The following UBE2R2 variants were observed in gnomAD, a reference collection of about 807,000 sequenced individuals.
UBE2R2 encodes ubiquitin conjugating enzyme E2 R2, also known as ubiquitin-conjugating enzyme E2 R2.
In UBE2R2, 1 loss-of-function variant was observed where a neutral mutation model predicts 27.8. The ratio of observed to expected loss-of-function variants is 0.04; its 90% CI spans 0.01 to 0.17. The LOEUF (loss-of-function observed/expected upper bound fraction) is 0.17, where lower values mean the gene tolerates loss of function less well. UBE2R2 is among the 10% of genes least tolerant of loss of function. The probability of loss-of-function intolerance (pLI) is 1.00; values close to 1 mark genes in which losing one functional copy is unlikely to be tolerated. For missense variants in UBE2R2, 100 were observed against 291.0 expected (o/e 0.34, Z 4.78); for synonymous variants, 106 against 113.3 (o/e 0.94, Z 0.41).
chr9:33,823,468 C>T (rs192145345), intron 1 of UBE2R2, among the ~76,000 whole-genome samples: 3 of 151,752 alleles, frequency 2.0e-5, no homozygotes, highest in South Asian at 2.1e-4. Context: ...CTCTGCCTCC[C>T]GGGTTCAAGC....
chr9:33,855,664 T>C (rs543517877), intron 1 of UBE2R2, among the ~76,000 whole-genome samples: 3 of 152,330 alleles, frequency 2.0e-5, no homozygotes, highest in Non-Finnish European at 4.4e-5. Context: ...TTGAAACTCC[T>C]AGACAGTAGT....
intron 3 of UBE2R2, among the ~76,000 whole-genome samples, chr9:33,900,778 A>G (rs900756225): frequency 9.2e-5 from 14 of 152,222 alleles, no homozygotes; most frequent in African/African-American, 3.4e-4. Flanking sequence ...TAAGTTGCCC[A>G]GCTGGTCTCA....
At position 33,862,149 on chromosome 9, in the gene UBE2R2, G is replaced by A. The variant is rs370535692; in HGVS notation, c.178-24732G>A. Among the ~76,000 whole-genome samples the A allele has an allele frequency of 5.3e-5, 8 of 152,034 alleles. 1 individual carries two copies. The highest frequency in any genetic ancestry group is 2.6e-4 in the Admixed American group (4 of 15,262). On this transcript the variant is annotated intron_variant, in intron 1 of 4. Coordinates refer to ENST00000263228, the MANE Select transcript of UBE2R2 (RefSeq NM_017811.4). ...ATTACAGGCATGAGCCACCGTGCCC[G>A]GCCTGTTGATCCACTTTCATAGTTG...
chr9:33,841,002 G>T (rs185400412), intron 1 of UBE2R2, among the ~76,000 whole-genome samples: 3 of 152,040 alleles, frequency 2.0e-5, no homozygotes, highest in Non-Finnish European at 4.4e-5. Flanking sequence ...GCAACTCACT[G>T]CAACCTCTGC....
intron 1 of UBE2R2, among the ~76,000 whole-genome samples, chr9:33,821,332 A>G (rs1825978001): frequency 6.6e-6 from 1 of 151,618 alleles, no homozygotes; most frequent in African/African-American, 2.4e-5. Context: ...TTTCTTCAGT[A>G]TTGTTAAGTG....
intron 1 of UBE2R2, among the ~76,000 whole-genome samples, chr9:33,860,100 C>T (rs894367831): frequency 1.2e-4 from 11 of 88,708 alleles, no homozygotes; most frequent in African/African-American, 3.9e-4. Context: ...AGCCACCTTG[C>T]CTGCCCTTTT....
Position 33,817,762 on chromosome 9 carries a change from C to A in UBE2R2, c.5C>A (p.Ala2Asp). The A allele has an allele frequency of 6.4e-7, 1 of 1,570,794 alleles. No homozygotes were observed. Among genetic ancestry groups the A allele is most frequent in the East Asian group, 2.4e-5 (1 of 40,856 alleles). M[A>D]QQQMTSSQKA... is the part of the protein sequence containing the mutation. ...GCCGCCGCCGCCGCCGCCGCGATGG[C>A]CCAGCAGCAGATGACCAGCTCGCAG... Residue 2 changes from alanine to aspartate, a missense_variant, in exon 1 of 5, where the codon GCC becomes GAC. Transcript: ENST00000263228.
intron 3 of UBE2R2, among the ~76,000 whole-genome samples, chr9:33,909,641 G>A (rs1041765032): frequency 1.2e-4 from 19 of 152,130 alleles, no homozygotes; most frequent in African/African-American, 3.6e-4. Context: ...GGATGGTCTC[G>A]ATCTCCTTAC....
At chr9:33,821,962 G>A (rs910986832) in intron 1 of UBE2R2, among the ~76,000 whole-genome samples, 2 of 151,308 alleles carry the variant, frequency 1.3e-5, no homozygotes, top group Admixed American at 6.6e-5. Flanking sequence ...ATTTGATTGA[G>A]GTAATGAAAT....
At chr9:33,850,782 C>T (rs1258479886) in intron 1 of UBE2R2, among the ~76,000 whole-genome samples, 1 of 152,120 alleles carries the variant, frequency 6.6e-6, no homozygotes, top group African/African-American at 2.4e-5. Flanking sequence ...ACAATCAGTT[C>T]CCTACTCTTC....
intron 1 of UBE2R2, among the ~76,000 whole-genome samples, chr9:33,837,782 G>A (rs764312901): frequency 3.3e-5 from 5 of 152,012 alleles, no homozygotes; most frequent in Non-Finnish European, 7.4e-5. Flanking sequence ...TCAAACTCTG[G>A]GCTCAAGCAT....
chr9:33,855,191 CA>C (rs1724947338), intron 1 of UBE2R2, among the ~76,000 whole-genome samples: 1 of 152,184 alleles, frequency 6.6e-6, no homozygotes, highest in African/African-American at 2.4e-5. Flanking sequence ...TACTGCCCCT[CA>C]TGGCATTTTT....
Position 33,918,471 on chromosome 9 carries a change from G to A in UBE2R2, c.*1234G>A, listed in dbSNP as rs1822711872. The A allele has an allele frequency of 6.6e-6, 1 of 151,932 alleles. No homozygotes were observed. Among genetic ancestry groups the A allele is most frequent in the Admixed American group, 6.6e-5 (1 of 15,234 alleles). The allele number at this position is 151,932 out of a possible 1,614,324, so 9.4% of individuals were successfully genotyped here. ...TAGAAATTGTGGCAGGGCTGAGGGAGTTGACTGCAGGCAGTTTTTAGGCCA... is the reference window on the plus strand; with the variant it reads ...TAGAAATTGTGGCAGGGCTGAGGGAATTGACTGCAGGCAGTTTTTAGGCCA... On this transcript the variant is annotated 3_prime_UTR_variant, in exon 5 of 5. Transcript: ENST00000263228.
At chr9:33,841,176 G>A (rs560268639) in intron 1 of UBE2R2, among the ~76,000 whole-genome samples, 33 of 151,824 alleles carry the variant, frequency 2.2e-4, no homozygotes, top group Admixed American at 4.6e-4. Context: ...TCTGCCTCCC[G>A]GGTTCAAGCT....
In UBE2R2 at chr9:33,817,865, C is replaced by G. The variant is rs759859611; in HGVS notation, c.108C>G (p.Ser36=). The G allele has an allele frequency of 6.2e-7, 1 of 1,611,544 alleles. No homozygotes were observed. Among genetic ancestry groups the G allele is most frequent in the East Asian group, 2.3e-5 (1 of 44,408 alleles). The change falls in exon 1 of 5, where the codon TCC becomes TCG. Residue 36 remains serine, a synonymous_variant. Transcript: ENST00000263228. ...TCCGGATCACCCTGGTGGACGAGTC[C>G]GACCTCTACAACTGGGAGGTGGCCA... ...EGFRITLVDE[S]DLYNWEVAIF...
At chr9:33,843,101 G>A (rs1287276763) in intron 1 of UBE2R2, among the ~76,000 whole-genome samples, 1 of 145,240 alleles carries the variant, frequency 6.9e-6, no homozygotes, top group Non-Finnish European at 1.5e-5. Context: ...AGGCTGGAGT[G>A]CAGTGGCACG....
intron 1 of UBE2R2, among the ~76,000 whole-genome samples, chr9:33,843,725 T>A (rs1190901297): frequency 1.3e-5 from 2 of 152,222 alleles, no homozygotes. Context: ...ATGATCTGCC[T>A]TGGCCTCTCA....
chr9:33,895,770 T>C (rs558226114), intron 2 of UBE2R2, among the ~76,000 whole-genome samples: 20 of 124,220 alleles, frequency 1.6e-4, no homozygotes, highest in Non-Finnish European at 3.3e-4. Context: ...CTCTCTCTCT[T>C]TTTTTTTTTT....
intron 1 of UBE2R2, among the ~76,000 whole-genome samples, chr9:33,884,850 T>C (rs1275512025): frequency 1.3e-5 from 2 of 152,292 alleles, no homozygotes; most frequent in African/African-American, 4.8e-5. Flanking sequence ...TTAAATAATA[T>C]ACAGTGGCAC....
Sources: gnomAD v4.1 joint callset for allele counts (sites outside exome capture counted in the v4.1 genomes callset) on GRCh38, gnomAD v4.1.1 for gene constraint, MANE v1.5 for transcripts, NCBI Gene and HGNC (gene_info 2026-07-23, HGNC 2026-07-21) for gene names.